RPS6KA2: variants seen among roughly 807,000 people sequenced by gnomAD.
RPS6KA2 encodes ribosomal protein S6 kinase A2.
In RPS6KA2, 42 loss-of-function variants were observed where a neutral mutation model predicts 91.8. That is an observed-to-expected ratio of 0.46 (90% CI 0.36 to 0.59). The LOEUF (loss-of-function observed/expected upper bound fraction) is 0.59, where lower values mean the gene tolerates loss of function less well. Ranked by LOEUF, RPS6KA2 falls within the 20% of genes least tolerant of loss-of-function variation. The pLI is 0.00. For missense variants in RPS6KA2, 798 were observed against 978.5 expected (o/e 0.82, Z 2.46); for synonymous variants, 414 against 393.6 (o/e 1.05, Z -0.61).
chr6:166,450,062 C>T (rs540415089), intron 13 of RPS6KA2, among the ~76,000 whole-genome samples: 63 of 150,146 alleles, frequency 4.2e-4, no homozygotes, highest in East Asian at 1.2e-3. Context: ...CAGGGACCAC[C>T]GTAGGAGACC....
In RPS6KA2 at chr6:166,490,952, A is replaced by G. The variant is rs1781568232; in HGVS notation, c.748-211T>C. 1.3e-5 allele frequency among the ~76,000 whole-genome samples: 2 copies of G among 152,204 alleles called. No homozygotes were observed. The highest frequency in any genetic ancestry group is 1.3e-4 in the Admixed American group (2 of 15,286). On this transcript the variant is annotated intron_variant, in intron 8 of 20. Transcript: ENST00000265678. This position sits in a 1 kb window ranked among gnomAD's most constrained non-coding sequence, Gnocchi z 4.2. Reference sequence around the variant, plus strand: ...GCCATTTGGTGGGTGAGACGGGTAAATGACAGATGTGGTAGATAATCACAC... The same window carrying G: ...GCCATTTGGTGGGTGAGACGGGTAAGTGACAGATGTGGTAGATAATCACAC...
At chr6:166,630,477 A>G (rs1232063365), upstream of RPS6KA2, among the ~76,000 whole-genome samples, 4 of 152,274 alleles carry the variant, frequency 2.6e-5, no homozygotes, top group African/African-American at 9.6e-5. Flanking sequence ...CATTAGGACT[A>G]AAGTTTTGCC....
chr6:166,469,748 G>A (rs1016300996), intron 11 of RPS6KA2, 93 bp downstream of exon 11: 22 of 1,140,764 alleles, frequency 1.9e-5, no homozygotes, highest in African/African-American at 6.1e-5. Flanking sequence ...CTTGTGACCC[G>A]GACACTGAGG....
intron 2 of RPS6KA2, among the ~76,000 whole-genome samples, chr6:166,653,103 C>A (rs1199789610): frequency 1.3e-5 from 2 of 152,258 alleles, no homozygotes; most frequent in Non-Finnish European, 2.9e-5. Flanking sequence ...TTCTGTCTCC[C>A]AGGCTGGAGT....
At chr6:166,473,521 A>G (rs1038552712) in intron 10 of RPS6KA2, among the ~76,000 whole-genome samples, 1 of 152,170 alleles carries the variant, frequency 6.6e-6, no homozygotes, top group African/African-American at 2.4e-5. Context: ...GATTCTGTCC[A>G]GCTCTTCTAC....
intron 2 of RPS6KA2, among the ~76,000 whole-genome samples, chr6:166,711,073 C>G (rs7738343): frequency 6.6e-6 from 1 of 151,620 alleles, no homozygotes; most frequent in Admixed American, 6.5e-5. Flanking sequence ...AACATCCCCC[C>G]AGGGGTGGTG....
intron 10 of RPS6KA2, among the ~76,000 whole-genome samples, chr6:166,479,416 G>T (rs1391755010): frequency 6.6e-6 from 1 of 152,250 alleles, no homozygotes; most frequent in African/African-American, 2.4e-5. Context: ...GTGTGGTCCT[G>T]CAATCTGCCA....
In RPS6KA2 at chr6:166,436,316, A is replaced by G. The variant is rs566703131; in HGVS notation, c.1333-3826T>C. Among the ~76,000 whole-genome samples, 25 of 117,590 alleles carry G rather than the reference A, an allele frequency of 2.1e-4. No homozygotes were observed. In the South Asian group the frequency reaches 3.5e-3, roughly 17 times the overall value. 77.1% of individuals were successfully genotyped at this position (117,590 alleles called of 152,430 possible). ...GAGCGTGTTTCAGTTAAAGCCCCAG[A>G]AAAAAAAAAAAAAAAAAACCTCAGA... On this transcript the variant is annotated intron_variant, in intron 14 of 20. Coordinates refer to ENST00000265678, the MANE Select transcript of RPS6KA2 (RefSeq NM_021135.6).
chr6:166,833,699 G>T (rs1427512181), intron 2 of RPS6KA2, among the ~76,000 whole-genome samples: 2 of 152,152 alleles, frequency 1.3e-5, no homozygotes, highest in Non-Finnish European at 2.9e-5. Context: ...CCCCTGGTTT[G>T]TTCCTTTCAT....
At chr6:166,715,894 T>C (rs1789995948) in intron 2 of RPS6KA2, among the ~76,000 whole-genome samples, 1 of 151,790 alleles carries the variant, frequency 6.6e-6, no homozygotes. Flanking sequence ...AAAAATTAGC[T>C]GGGCATGGAG....
chr6:166,456,272 G>A (rs182569833), intron 12 of RPS6KA2, among the ~76,000 whole-genome samples: 19 of 152,296 alleles, frequency 1.2e-4, no homozygotes, highest in Non-Finnish European at 2.6e-4. Flanking sequence ...ACATTTGGTC[G>A]GTGTGGCTAG....
intron 1 of RPS6KA2, among the ~76,000 whole-genome samples, chr6:166,614,586 G>C (rs997742846): frequency 9.2e-5 from 14 of 152,250 alleles, no homozygotes; most frequent in African/African-American, 3.4e-4. Flanking sequence ...GCTTTGTCTT[G>C]CTGCTGTGAC....
At chr6:166,766,515 A>G (rs1025049624) in intron 2 of RPS6KA2, among the ~76,000 whole-genome samples, 1 of 152,342 alleles carries the variant, frequency 6.6e-6, no homozygotes, top group African/African-American at 2.4e-5. Context: ...TTTTCTAAAA[A>G]TCTTGCCTGT....
chr6:166,412,462 A>G lies in RPS6KA2; in HGVS notation c.*300T>C, dbSNP rs1778339097. The G allele has an allele frequency of 4.4e-6, 1 of 228,470 alleles. No individual in the cohort carries two copies. The highest frequency in any genetic ancestry group is 5.7e-5 in the Admixed American group (1 of 17,664). The allele number at this position is 228,470 out of a possible 1,614,324, so 14.2% of individuals were successfully genotyped here. ...GGCAGAAACAGAAGCCATGTATGAG[A>G]GGACCCGCGGGCTCTGAAAGAAGCC... On this transcript the variant is annotated 3_prime_UTR_variant, in exon 21 of 21. Coordinates refer to ENST00000265678, the MANE Select transcript of RPS6KA2 (RefSeq NM_021135.6). The surrounding 1 kb of genome is among the most constrained non-coding windows in gnomAD (Gnocchi z 4.3).
At chr6:166,803,780 A>G (rs1010397045) in intron 2 of RPS6KA2, among the ~76,000 whole-genome samples, 5 of 152,254 alleles carry the variant, frequency 3.3e-5, no homozygotes, top group Admixed American at 1.3e-4. Context: ...TAATTTACAT[A>G]CAATTTAGAA....
At chr6:166,469,781 T>C in intron 11 of RPS6KA2, 60 bp downstream of exon 11, 1 of 1,458,582 alleles carries the variant, frequency 6.9e-7, no homozygotes, top group Non-Finnish European at 9.6e-7. Flanking sequence ...AAGCCGTATG[T>C]TCCCTCCACC....
At chr6:166,609,746 C>T (rs772934779) in intron 1 of RPS6KA2, among the ~76,000 whole-genome samples, 4 of 152,184 alleles carry the variant, frequency 2.6e-5, no homozygotes, top group South Asian at 2.1e-4. Context: ...CTGATCTGCC[C>T]GCCTCGTCCT....
intron 1 of RPS6KA2, among the ~76,000 whole-genome samples, chr6:166,555,543 T>C (rs1035016206): frequency 7.9e-5 from 12 of 151,842 alleles, no homozygotes; most frequent in Admixed American, 7.9e-4. Context: ...AAAGCCACAA[T>C]CCTGAGCCCA....
chr6:166,858,532 G>A (rs888596723), intron 1 of RPS6KA2, among the ~76,000 whole-genome samples: 3 of 152,240 alleles, frequency 2.0e-5, no homozygotes, highest in African/African-American at 4.8e-5. Flanking sequence ...AATGAAGCGA[G>A]TGTGACTTAC....
Sources: gnomAD v4.1 joint callset for allele counts (sites outside exome capture counted in the v4.1 genomes callset) on GRCh38, gnomAD v4.1.1 for gene constraint, Gnocchi (gnomAD v3.1) non-coding constraint, MANE v1.5 for transcripts, NCBI Gene and HGNC (gene_info 2026-07-23, HGNC 2026-07-21) for gene names.